The following SAMD5 variants were observed in gnomAD, a reference collection of about 807,000 sequenced individuals.
SAMD5 encodes sterile alpha motif domain containing 5, also known as sterile alpha motif domain-containing protein 5.
A neutral mutation model predicts 11.3 loss-of-function variants in SAMD5; 13 were observed. The ratio of observed to expected loss-of-function variants is 1.15; its 90% confidence interval spans 0.75 to 1.83. The LOEUF (loss-of-function observed/expected upper bound fraction) is 1.83, where lower values mean the gene tolerates loss of function less well. SAMD5 is among the 40% of genes most tolerant of loss of function. The probability of loss-of-function intolerance (pLI) is 0.00; values close to 1 mark genes in which losing one functional copy is unlikely to be tolerated. For missense variants in SAMD5, 255 were observed against 239.1 expected (o/e 1.07, Z -0.44); for synonymous variants, 129 against 111.3 (o/e 1.16, Z -1.00).
chr6:147,622,078 G>T (rs73787335), intron 1 of SAMD5, among the ~76,000 whole-genome samples: 2,307 of 152,238 alleles, frequency 0.015, 58 homozygotes, highest in African/African-American at 0.053. Flanking sequence ...GTTGTCTTCA[G>T]AGTCTCTCTC....
intron 1 of SAMD5, among the ~76,000 whole-genome samples, chr6:147,618,639 C>A (rs1054446612): frequency 6.6e-6 from 1 of 152,190 alleles, no homozygotes; most frequent in Non-Finnish European, 1.5e-5. Flanking sequence ...ACCACTAACA[C>A]CCAGTCCTTG....
At chr6:147,696,197 A>G (rs377406148) in intron 1 of SAMD5, among the ~76,000 whole-genome samples, 6 of 152,096 alleles carry the variant, frequency 3.9e-5, no homozygotes, top group Admixed American at 3.9e-4. Flanking sequence ...CCCCACTTCA[A>G]TCTGCCCCTT....
chr6:147,935,157 G>A, the SAMD5 span, among the ~76,000 whole-genome samples: 1 of 152,180 alleles, frequency 6.6e-6, no homozygotes, highest in African/African-American at 2.4e-5. Flanking sequence ...CTCAAACTCT[G>A]TGTAGGTTTG....
intron 1 of SAMD5, among the ~76,000 whole-genome samples, chr6:147,580,379 A>C (rs1188763019): frequency 6.6e-6 from 1 of 152,240 alleles, no homozygotes; most frequent in Non-Finnish European, 1.5e-5. Context: ...ATAAAGGCCA[A>C]AGACATAGTT....
chr6:147,638,042 G>A (rs1253995660), intron 1 of SAMD5, among the ~76,000 whole-genome samples: 1 of 151,912 alleles, frequency 6.6e-6, no homozygotes, highest in African/African-American at 2.4e-5. Context: ...ATTACACTTC[G>A]TAATGGTAAT....
intron 1 of SAMD5, among the ~76,000 whole-genome samples, chr6:147,526,157 C>A (rs1260713017): frequency 6.6e-6 from 1 of 152,180 alleles, no homozygotes; most frequent in African/African-American, 2.4e-5. Flanking sequence ...GGAATGGGAG[C>A]AGTGTTTTGC....
At chr6:147,734,762 A>G (rs971301159) in intron 1 of SAMD5, among the ~76,000 whole-genome samples, 5 of 150,434 alleles carry the variant, frequency 3.3e-5, no homozygotes, top group African/African-American at 1.2e-4. Context: ...CACAAATCAA[A>G]TATCTGGATA....
At chr6:147,545,121 G>A (rs960351304) in intron 1 of SAMD5, among the ~76,000 whole-genome samples, 11 of 152,084 alleles carry the variant, frequency 7.2e-5, no homozygotes, top group Non-Finnish European at 1.0e-4. Flanking sequence ...ATTTATGCTC[G>A]GTGAAATTGT....
the SAMD5 span, among the ~76,000 whole-genome samples, chr6:147,831,241 A>T: frequency 6.6e-6 from 1 of 152,218 alleles, no homozygotes; most frequent in African/African-American, 2.4e-5. Context: ...CAAAGCTCCA[A>T]ATCGAATAAA....
the SAMD5 span, among the ~76,000 whole-genome samples, chr6:147,870,630 AT>A: frequency 2.2e-4 from 33 of 151,818 alleles, no homozygotes; most frequent in East Asian, 2.3e-3. Context: ...TTCCATAAAT[AT>A]TTGTTAACTT....
intron 1 of SAMD5, among the ~76,000 whole-genome samples, chr6:147,626,975 T>A (rs1465431575): frequency 1.3e-5 from 2 of 152,130 alleles, no homozygotes; most frequent in African/African-American, 2.4e-5. Context: ...TCTCTAGGTC[T>A]TTACCAAAGG....
chr6:147,813,470 A>G, the SAMD5 span, among the ~76,000 whole-genome samples: 2 of 152,230 alleles, frequency 1.3e-5, no homozygotes, highest in African/African-American at 4.8e-5. Flanking sequence ...TGCAAGAGCT[A>G]TACAAGTATA....
At chr6:147,552,224 G>A (rs1788786596) in intron 1 of SAMD5, among the ~76,000 whole-genome samples, 1 of 152,214 alleles carries the variant, frequency 6.6e-6, no homozygotes, top group Admixed American at 6.5e-5. Flanking sequence ...GGGAGATTAT[G>A]TGGAGAGGAA....
chr6:147,909,609 T>TC, the SAMD5 span, among the ~76,000 whole-genome samples: 15 of 69,144 alleles, frequency 2.2e-4, no homozygotes, highest in South Asian at 2.6e-3. Context: ...TCTTTCTTTC[T>TC]TTCTTTCTTT....
intron 1 of SAMD5, among the ~76,000 whole-genome samples, chr6:147,691,067 T>A (rs1791096017): frequency 1.3e-5 from 2 of 151,832 alleles, no homozygotes; most frequent in Admixed American, 6.6e-5. Flanking sequence ...CAACCTTAGC[T>A]TACTGCAACA....
chr6:147,742,171 A>G (rs1443824239), downstream of SAMD5, among the ~76,000 whole-genome samples: 1 of 152,188 alleles, frequency 6.6e-6, no homozygotes, highest in Non-Finnish European at 1.5e-5. Context: ...TTGTGGTAGT[A>G]TTATGAAACA....
intron 1 of SAMD5, among the ~76,000 whole-genome samples, chr6:147,690,136 A>G (rs1481025744): frequency 6.8e-6 from 1 of 146,816 alleles, no homozygotes; most frequent in South Asian, 2.4e-4. Context: ...ACATATAACA[A>G]TAAGTGAAAT....
intron 1 of SAMD5, among the ~76,000 whole-genome samples, chr6:147,636,724 C>T (rs1458025920): frequency 6.6e-6 from 1 of 152,130 alleles, no homozygotes; most frequent in Non-Finnish European, 1.5e-5. Context: ...AACTTTTCTA[C>T]ACCTAATAAT....
intron 1 of SAMD5, among the ~76,000 whole-genome samples, chr6:147,610,564 G>C (rs1328274324): frequency 2.0e-5 from 3 of 152,284 alleles, no homozygotes; most frequent in South Asian, 2.1e-4. Flanking sequence ...AGGCACTTTT[G>C]GACATGACAA....
Sources: gnomAD v4.1 joint callset for allele counts (sites outside exome capture counted in the v4.1 genomes callset) on GRCh38, gnomAD v4.1.1 for gene constraint, MANE v1.5 for transcripts, NCBI Gene and HGNC (gene_info 2026-07-23, HGNC 2026-07-21) for gene names.